Variants in CDYL observed in about 807,000 individuals in gnomAD.
CDYL encodes the protein chromodomain Y-like protein.
In CDYL, 8 loss-of-function variants were observed where a neutral mutation model predicts 47.3. That is an observed-to-expected ratio of 0.17 (90% confidence interval 0.10 to 0.31). The LOEUF (loss-of-function observed/expected upper bound fraction) is 0.31, where lower values mean the gene tolerates loss of function less well. Among genes scored for constraint, CDYL ranks in the 10% least tolerant of loss-of-function variants. The pLI is 1.00. For missense variants in CDYL, 471 were observed against 701.4 expected (o/e 0.67, Z 3.71); for synonymous variants, 266 against 265.0 (o/e 1.00, Z -0.04).
intron 1 of CDYL, among the ~76,000 whole-genome samples, chr6:4,825,864 AAAG>A (rs953650336): frequency 2.6e-5 from 4 of 151,894 alleles, no homozygotes; most frequent in Admixed American, 6.5e-5. Flanking sequence ...AAAAAAAAAA[AAAG>A]AGAGTCACCT....
rs118002775 is a variant in CDYL at position 4,781,153 on chromosome 6, A to G, written c.24+4346A>G. ...TGAAATCGTATCTGGTGTGTAAAAAATTGTTTTAAAGTTGATTAGTTTGAC... is the reference window on the plus strand; with the variant it reads ...TGAAATCGTATCTGGTGTGTAAAAAGTTGTTTTAAAGTTGATTAGTTTGAC... On this transcript the variant is annotated intron_variant, in intron 1 of 6. Transcript: ENST00000397588. Among the ~76,000 whole-genome samples, 96 of 152,316 alleles carry G rather than the reference A, an allele frequency of 6.3e-4. 1 individual carries two copies. The East Asian group carries it at 0.017, about 27-fold the overall frequency.
At chr6:4,811,608 C>CTTTT (rs397975784) in intron 1 of CDYL, among the ~76,000 whole-genome samples, 1,277 of 126,704 alleles carry the variant, frequency 0.01, 29 homozygotes, top group African/African-American at 0.036. Context: ...TGACATTATT[C>CTTTT]TTTTTTTTTT....
chr6:4,923,089 A>G (rs754358206), intron 2 of CDYL, among the ~76,000 whole-genome samples: 1 of 152,236 alleles, frequency 6.6e-6, no homozygotes, highest in Non-Finnish European at 1.5e-5. Flanking sequence ...GTAACATTTA[A>G]AATCTGCTCT....
At chr6:4,713,584 AGATTCTTT>A (rs753454715) in intron 1 of CDYL, among the ~76,000 whole-genome samples, 1 of 80,958 alleles carries the variant, frequency 1.2e-5, no homozygotes, top group African/African-American at 3.7e-5. Flanking sequence ...TCTATCATTT[AGATTCTTT>A]TTTTTTTTTT....
chr6:4,747,435 TTATG>T (rs1184645978), intron 3 of CDYL, among the ~76,000 whole-genome samples: 3 of 152,178 alleles, frequency 2.0e-5, no homozygotes. Context: ...TTTTATTTAT[TTATG>T]TATTTGTGAT....
chr6:4,719,816 T>C (rs1229086539), intron 2 of CDYL, among the ~76,000 whole-genome samples: 1 of 152,196 alleles, frequency 6.6e-6, no homozygotes, highest in Non-Finnish European at 1.5e-5. Context: ...GAATTTGCAT[T>C]TCCAAGATCT....
At chr6:4,714,436 G>C (rs372135164) in intron 1 of CDYL, 1 of 152,188 alleles carries the variant, frequency 6.6e-6, no homozygotes, top group African/African-American at 2.4e-5. Flanking sequence ...CTGTTGTGAA[G>C]ACTAAGTCTG....
intron 3 of CDYL, among the ~76,000 whole-genome samples, chr6:4,749,307 AGATGGATG>A (rs61073067): frequency 1.1e-4 from 16 of 146,504 alleles, no homozygotes; most frequent in Non-Finnish European, 1.4e-4. Context: ...ATGGATGGAT[AGATGGATG>A]GATGGATGGA....
intron 1 of CDYL, among the ~76,000 whole-genome samples, chr6:4,799,972 T>G (rs1485864097): frequency 5.3e-5 from 8 of 152,204 alleles, no homozygotes; most frequent in Non-Finnish European, 1.5e-5. Context: ...CTACTTTGTT[T>G]TACATTAATG....
chr6:4,817,434 G>A (rs529890507), intron 1 of CDYL, among the ~76,000 whole-genome samples: 4 of 151,496 alleles, frequency 2.6e-5, no homozygotes, highest in African/African-American at 9.7e-5. Context: ...CCCACCGGCA[G>A]TACCTGAGTG....
At chr6:4,856,858 A>G (rs1761023800) in intron 1 of CDYL, among the ~76,000 whole-genome samples, 1 of 152,158 alleles carries the variant, frequency 6.6e-6, no homozygotes, top group Non-Finnish European at 1.5e-5. Flanking sequence ...ATTTTTGCAC[A>G]TTTCCTCACT....
At chr6:4,864,822 C>T (rs1761273335) in intron 1 of CDYL, among the ~76,000 whole-genome samples, 1 of 151,880 alleles carries the variant, frequency 6.6e-6, no homozygotes, top group East Asian at 1.9e-4. Flanking sequence ...TTCTCAGTTT[C>T]AGGTATGTCT....
intron 1 of CDYL, among the ~76,000 whole-genome samples, chr6:4,806,905 T>TG (rs1759385624): frequency 6.6e-6 from 1 of 152,234 alleles, no homozygotes; most frequent in African/African-American, 2.4e-5. Flanking sequence ...CAGACATTTG[T>TG]TTCCTCACTG....
At chr6:4,715,689 G>GT (rs34254931) in intron 1 of CDYL, 76,075 of 1,529,106 alleles carry the variant, frequency 0.05, 2,124 homozygotes, top group Non-Finnish European at 0.057. Flanking sequence ...TGAGCCTTGG[G>GT]TTTTTTCCCA....
At chr6:4,841,742 C>T (rs913106583) in intron 1 of CDYL, among the ~76,000 whole-genome samples, 4 of 151,922 alleles carry the variant, frequency 2.6e-5, no homozygotes, top group South Asian at 2.1e-4. Context: ...TTTTATTCCA[C>T]TGTGGTCTGA....
intron 1 of CDYL, among the ~76,000 whole-genome samples, chr6:4,870,097 A>G (rs539599534): frequency 6.6e-6 from 1 of 151,150 alleles, no homozygotes; most frequent in Non-Finnish European, 1.5e-5. Flanking sequence ...TGGGGTCTTG[A>G]TCTTTTGCAC....
At chr6:4,839,718 C>T (rs780438052) in intron 1 of CDYL, among the ~76,000 whole-genome samples, 43 of 152,248 alleles carry the variant, frequency 2.8e-4, no homozygotes, top group Non-Finnish European at 2.4e-4. Flanking sequence ...TGTTGAAGAT[C>T]AGTTGGCTGT....
chr6:4,903,976 G>GA (rs1169317594), intron 2 of CDYL, among the ~76,000 whole-genome samples: 1 of 152,216 alleles, frequency 6.6e-6, no homozygotes, highest in Non-Finnish European at 1.5e-5. Context: ...TGGCATTGCA[G>GA]AGCCCCTGAC....
intron 1 of CDYL, among the ~76,000 whole-genome samples, chr6:4,787,603 C>T (rs965797808): frequency 3.3e-5 from 5 of 151,984 alleles, no homozygotes; most frequent in Admixed American, 1.3e-4. Context: ...ATTCAGCTTG[C>T]CCAGGAACCT....
Sources: gnomAD v4.1 joint callset for allele counts (sites outside exome capture counted in the v4.1 genomes callset) on GRCh38, gnomAD v4.1.1 for gene constraint, MANE v1.5 for transcripts, NCBI Gene and HGNC (gene_info 2026-07-23, HGNC 2026-07-21) for gene names.